The following KIF20B variants were observed in gnomAD, a reference collection of about 807,000 sequenced individuals.
The protein encoded by KIF20B is kinesin family member 20B.
Under a neutral mutation model 232.5 loss-of-function variants are expected in KIF20B, and 188 were observed. That is an observed-to-expected ratio of 0.81 (90% CI 0.72 to 0.91). The LOEUF is 0.91. Among genes scored for constraint, KIF20B ranks in the 40% least tolerant of loss-of-function variants. The pLI, the probability that KIF20B is intolerant of heterozygous loss-of-function variation, is 0.00. For missense variants in KIF20B, 2,154 were observed against 2,055.9 expected, an observed-to-expected ratio of 1.05 and a Z score of -0.92; for synonymous variants, 712 against 683.0, an observed-to-expected ratio of 1.04 and a Z score of -0.66.
At chr10:89,726,961 A>G (rs1589860975) in intron 16 of KIF20B, among the ~76,000 whole-genome samples, 1 of 150,582 alleles carries the variant, frequency 6.6e-6, no homozygotes, top group African/African-American at 2.4e-5. Flanking sequence ...GTGCACTACC[A>G]CAGCGGCTGC....
At chr10:89,751,310 C>T in intron 23 of KIF20B, 36 bp from the exon 24 acceptor site, 1 of 1,526,620 alleles carries the variant, frequency 6.6e-7, no homozygotes, top group Non-Finnish European at 8.9e-7. Context: ...TATCTAGAGG[C>T]TATTAATTTC....
chr10:89,764,858 C>T (rs1842322079), intron 29 of KIF20B, among the ~76,000 whole-genome samples: 1 of 152,100 alleles, frequency 6.6e-6, no homozygotes, highest in Non-Finnish European at 1.5e-5. Context: ...CCTATTCACT[C>T]TGATGGTAGT....
intron 25 of KIF20B, 35 bp downstream of exon 25, chr10:89,752,726 A>C (rs368259698): frequency 3.5e-5 from 49 of 1,408,174 alleles, no homozygotes; most frequent in Non-Finnish European, 4.5e-5. Flanking sequence ...GTATGAATGT[A>C]TCTGTCTTCA....
rs1841684935 is a variant in KIF20B, at chr10:89,737,552, A to G, written c.2711A>G (p.Glu904Gly). The change falls in exon 20 of 33, where the codon GAA (glutamate) becomes GGA (glycine). Residue 904 changes from glutamate (E) to glycine (G), a missense_variant. Glu to Gly is a moderately conservative substitution (Grantham distance 98, BLOSUM62 -2). Transcript: ENST00000371728. ...IENELKNEKEEKAELNKQIVH... is the reference protein window; with the variant it reads ...IENELKNEKEGKAELNKQIVH... Reference sequence around the variant, plus strand: ...AATGAACTTAAAAATGAAAAGGAAGAAAAAGCAGAATTAAATAAACAGATT... The same window carrying G: ...AATGAACTTAAAAATGAAAAGGAAGGAAAAGCAGAATTAAATAAACAGATT... The G allele has an allele frequency of 3.2e-5, 51 of 1,607,496 alleles. No homozygotes were observed. Among genetic ancestry groups the G allele is most frequent in the Non-Finnish European group, 4.2e-5 (50 of 1,177,370 alleles).
chr10:89,745,219 G>T (rs1301701968), intron 22 of KIF20B, among the ~76,000 whole-genome samples: 1 of 152,012 alleles, frequency 6.6e-6, no homozygotes, highest in East Asian at 1.9e-4. Context: ...AAATAACCGG[G>T]TCATAACGTA....
chr10:89,745,256 C>T (rs989261446), intron 22 of KIF20B, among the ~76,000 whole-genome samples: 6 of 152,118 alleles, frequency 3.9e-5, no homozygotes, highest in Non-Finnish European at 5.9e-5. Context: ...TGGGCACAGT[C>T]GCTCACGCAT....
At chr10:89,725,978 C>G (rs1161889615) in intron 15 of KIF20B, among the ~76,000 whole-genome samples, 6 of 152,124 alleles carry the variant, frequency 3.9e-5, no homozygotes, top group Non-Finnish European at 8.8e-5. Flanking sequence ...CATGCACTAT[C>G]CCAACAAAAC....
intron 5 of KIF20B, among the ~76,000 whole-genome samples, 156 bp from the exon 6 acceptor site, chr10:89,710,805 A>G (rs559283629): frequency 6.6e-6 from 1 of 152,356 alleles, no homozygotes; most frequent in East Asian, 1.9e-4. Flanking sequence ...ACTGTGAATA[A>G]CAAAGTGATG....
chr10:89,707,376 A>G (rs1338922863), intron 2 of KIF20B, among the ~76,000 whole-genome samples: 1 of 152,106 alleles, frequency 6.6e-6, no homozygotes, highest in East Asian at 1.9e-4. Flanking sequence ...TTTTGTTAGT[A>G]TACATTAATT....
At chr10:89,727,755 A>G (rs1843221517) in intron 16 of KIF20B, 101 bp from the exon 17 acceptor site, 1 of 1,034,602 alleles carries the variant, frequency 9.7e-7, no homozygotes. Context: ...ATTGAATGTA[A>G]CAGTAAAGTG....
At chr10:89,725,533 G>A (rs1165286229) in intron 15 of KIF20B, among the ~76,000 whole-genome samples, 4 of 152,090 alleles carry the variant, frequency 2.6e-5, no homozygotes, top group Non-Finnish European at 5.9e-5. Flanking sequence ...AAACAAAAAT[G>A]TTTATGTATA....
chr10:89,765,090 G>A (rs1842326474), intron 29 of KIF20B, among the ~76,000 whole-genome samples: 1 of 151,734 alleles, frequency 6.6e-6, no homozygotes, highest in South Asian at 2.1e-4. Flanking sequence ...GTAAGGAAGG[G>A]ATCCAGTTTC....
intron 27 of KIF20B, 28 bp from the exon 28 acceptor site, chr10:89,760,498 C>A (rs918968967): frequency 7.5e-7 from 1 of 1,335,970 alleles, no homozygotes. Flanking sequence ...TTACAATGCC[C>A]TGTTGCTTTA....
intron 18 of KIF20B, among the ~76,000 whole-genome samples, chr10:89,731,913 A>G (rs958065555): frequency 6.6e-6 from 1 of 152,138 alleles, no homozygotes; most frequent in South Asian, 2.1e-4. Flanking sequence ...TTAAAAGGTT[A>G]TTTTTATCTG....
chr10:89,746,990 T>C (rs1841925147), intron 23 of KIF20B, among the ~76,000 whole-genome samples: 1 of 152,238 alleles, frequency 6.6e-6, no homozygotes, highest in African/African-American at 2.4e-5. Flanking sequence ...AACTTTTATG[T>C]AGGTCACAAT....
At chr10:89,762,264 A>G (rs930093478) in intron 28 of KIF20B, among the ~76,000 whole-genome samples, 1 of 152,202 alleles carries the variant, frequency 6.6e-6, no homozygotes, top group African/African-American at 2.4e-5. Context: ...CAATGGGAAG[A>G]GTAGCAAAGT....
chr10:89,757,040 G>GTGTGTGTGTGTGTATATATATATATA (rs1301847520), intron 26 of KIF20B, among the ~76,000 whole-genome samples: 5 of 110,746 alleles, frequency 4.5e-5, no homozygotes, highest in African/African-American at 1.7e-4. Context: ...GTGTGTGTGT[G>GTGTGTGTGTGTGTATATATATATATA]TATATATATA....
intron 23 of KIF20B, among the ~76,000 whole-genome samples, chr10:89,747,346 G>C (rs1269605989): frequency 6.6e-6 from 1 of 151,882 alleles, no homozygotes; most frequent in Admixed American, 6.6e-5. Context: ...CAGGGATCTA[G>C]AACTAGAAAT....
Position 89,762,691 on chromosome 10 carries a change from C to T in KIF20B, c.4845C>T (p.Ser1615=), listed in dbSNP as rs1419735062. The change falls in exon 29 of 33, where the codon AGC becomes AGT. Residue 1615 remains serine, a synonymous_variant. Coordinates refer to ENST00000371728, the MANE Select transcript of KIF20B (RefSeq NM_001284259.2). ...SCEVSTENDQ[S]TRFPKPELEI... Reference sequence around the variant, plus strand: ...AAGTGTCAACAGAAAATGATCAAAGCACTCGATTTCCAAAACCTGAGTTAG... The same window carrying T: ...AAGTGTCAACAGAAAATGATCAAAGTACTCGATTTCCAAAACCTGAGTTAG... The T allele has an allele frequency of 6.2e-7, 1 of 1,613,600 alleles. No homozygotes were observed. The highest frequency in any genetic ancestry group is 8.5e-7 in the Non-Finnish European group (1 of 1,179,722).
Sources: gnomAD v4.1 joint callset for allele counts (sites outside exome capture counted in the v4.1 genomes callset) on GRCh38, gnomAD v4.1.1 for gene constraint, MANE v1.5 for transcripts, NCBI Gene and HGNC (gene_info 2026-07-23, HGNC 2026-07-21) for gene names.